The following CCDC81 variants were observed in gnomAD, a reference collection of about 807,000 sequenced individuals.
CCDC81 encodes the protein coiled-coil domain containing 81, also known as coiled-coil domain-containing protein 81.
Under a neutral mutation model 83.7 loss-of-function variants are expected in CCDC81, and 79 were observed. The ratio of observed to expected loss-of-function variants is 0.94; its 90% CI spans 0.79 to 1.14. CCDC81 has a LOEUF of 1.14. CCDC81 is among the 50% of genes most tolerant of loss of function. The pLI is 0.00. For missense variants in CCDC81, 791 were observed against 778.1 expected, an observed-to-expected ratio of 1.02 and a Z score of -0.20; for synonymous variants, 252 against 278.1, an observed-to-expected ratio of 0.91 and a Z score of 0.93.
At chr11:86,404,247 T>C (rs1948534284) in intron 7 of CCDC81, among the ~76,000 whole-genome samples, 1 of 152,214 alleles carries the variant, frequency 6.6e-6, no homozygotes, top group South Asian at 2.1e-4. Context: ...AAATAAAGTG[T>C]TCTGCTTATA....
At chr11:86,402,507 C>T (rs1948506842) in intron 7 of CCDC81, among the ~76,000 whole-genome samples, 1 of 152,030 alleles carries the variant, frequency 6.6e-6, no homozygotes, top group Admixed American at 6.6e-5. Context: ...TAACCAATCT[C>T]CTATTGGATA....
chr11:86,420,121 C>G (rs1012166433), intron 14 of CCDC81, 68 bp downstream of exon 14: 45 of 1,553,160 alleles, frequency 2.9e-5, no homozygotes, highest in Non-Finnish European at 3.8e-5. Context: ...TCAAGTGGAA[C>G]TCCACTTGAT....
intron 13 of CCDC81, among the ~76,000 whole-genome samples, chr11:86,416,345 C>T (rs1948719767): frequency 6.6e-6 from 1 of 152,184 alleles, no homozygotes; most frequent in Non-Finnish European, 1.5e-5. Context: ...GCAGAACCAC[C>T]ATCACTTGTC....
At chr11:86,383,349 A>C (rs1948198436) in intron 1 of CCDC81, among the ~76,000 whole-genome samples, 1 of 152,242 alleles carries the variant, frequency 6.6e-6, no homozygotes, top group South Asian at 2.1e-4. Context: ...AAGTTTTATA[A>C]CATCAGGAAA....
At position 86,414,852 on chromosome 11, in the gene CCDC81, A is replaced by C. The variant is rs767224921; in HGVS notation, c.1455A>C (p.Arg485Ser). 33 of 1,609,480 alleles carry C rather than the reference A, an allele frequency of 2.1e-5. No individual in the cohort carries two copies. The East Asian group carries it at 7.4e-4, about 36-fold the overall frequency. Residue 485 changes from arginine (R) to serine (S), a missense_variant, in exon 12 of 15, where the codon AGA (arginine) becomes AGC (serine). Transcript: ENST00000445632. ...TGGAAGAAACACAGTGTTACAAGAG[A>C]GCTTTGGATGCACAGGTAAGGGGAC... is the stretch of plus-strand genomic sequence containing the variant. ...DKMEETQCYK[R>S]ALDAQIKNKP...
chr11:86,390,420 G>A (rs1042319989), intron 3 of CCDC81, among the ~76,000 whole-genome samples: 1 of 152,136 alleles, frequency 6.6e-6, no homozygotes, highest in Non-Finnish European at 1.5e-5. Flanking sequence ...TGGTAGGTAG[G>A]GACCAATTGT....
At chr11:86,410,694 A>C (rs1488261824) in intron 10 of CCDC81, among the ~76,000 whole-genome samples, 2 of 152,144 alleles carry the variant, frequency 1.3e-5, no homozygotes, top group Non-Finnish European at 2.9e-5. Flanking sequence ...ACACATCTTA[A>C]ATTTAAAAAG....
intron 12 of CCDC81, 66 bp from the exon 13 acceptor site, chr11:86,415,027 A>G: frequency 1.9e-6 from 3 of 1,552,110 alleles, no homozygotes; most frequent in South Asian, 1.1e-5. Flanking sequence ...ACCACATTAC[A>G]GGGTTGTGCA....
At chr11:86,400,560 T>A in intron 6 of CCDC81, 118 bp from the exon 7 acceptor site, 1 of 998,674 alleles carries the variant, frequency 1.0e-6, no homozygotes, top group Non-Finnish European at 1.4e-6. Flanking sequence ...GAACAAGGGG[T>A]GATTATTTAA....
In CCDC81 at chr11:86,408,355, C is replaced by G. The variant is rs1948592003; in HGVS notation, c.1113+85C>G. On this transcript the variant is annotated intron_variant, in intron 9 of 14. Transcript: ENST00000445632. Reference sequence around the variant, plus strand: ...AATTTATTATTATTTTTTATTGGCGCAGGGTCTCACTCTGTCACCCAGGTT... The same window carrying G: ...AATTTATTATTATTTTTTATTGGCGGAGGGTCTCACTCTGTCACCCAGGTT... 4.8e-6 allele frequency: 6 copies of G among 1,258,486 alleles called. 1 individual carries two copies. The highest frequency in any genetic ancestry group is 6.4e-6 in the Non-Finnish European group (6 of 935,876). 78.0% of individuals were successfully genotyped at this position (1,258,486 alleles called of 1,614,324 possible). A position where few individuals can be genotyped will look rare whatever the true frequency, so the allele number is the denominator to read the frequency against.
intron 13 of CCDC81, chr11:86,418,978 G>A (rs758037562): frequency 2.0e-5 from 3 of 152,166 alleles, no homozygotes; most frequent in Non-Finnish European, 4.4e-5. Context: ...GGCACTTCCT[G>A]TGTATCATTT....
chr11:86,410,226 C>T (rs1422622567), intron 10 of CCDC81, among the ~76,000 whole-genome samples: 1 of 152,170 alleles, frequency 6.6e-6, no homozygotes, highest in Non-Finnish European at 1.5e-5. Context: ...ATATCACCAT[C>T]TAGGTAGTCG....
At chr11:86,378,379 A>G (rs984906075) in intron 1 of CCDC81, among the ~76,000 whole-genome samples, 10 of 152,168 alleles carry the variant, frequency 6.6e-5, no homozygotes, top group African/African-American at 1.9e-4. Context: ...GGTGTGTTTT[A>G]TGGCCCAGAA....
At chr11:86,401,712 TA>T (rs200887994) in intron 7 of CCDC81, among the ~76,000 whole-genome samples, 21 of 149,562 alleles carry the variant, frequency 1.4e-4, no homozygotes, top group South Asian at 4.2e-4. Context: ...AGACTGAAAT[TA>T]AAAAAAAAAT....
chr11:86,422,872 C>T lies in CCDC81; in HGVS notation c.*157C>T. 1.4e-6 allele frequency: 1 copy of T among 705,360 alleles called. No homozygotes were observed. The highest frequency in any genetic ancestry group is 2.3e-6 in the Non-Finnish European group (1 of 433,832). The allele number at this position is 705,360 out of a possible 1,614,324, so 43.7% of individuals were successfully genotyped here. ...GCTTGTTAAGCCCTTATTGAATTCA[C>T]TCCTGCTTTCCTCCCACCCCCAATT... On this transcript the variant is annotated 3_prime_UTR_variant, in exon 15 of 15. Coordinates refer to ENST00000445632, the MANE Select transcript of CCDC81 (RefSeq NM_001156474.2).
intron 13 of CCDC81, among the ~76,000 whole-genome samples, chr11:86,417,545 C>A (rs2138542961): frequency 6.6e-6 from 1 of 151,922 alleles, no homozygotes; most frequent in Non-Finnish European, 1.5e-5. Flanking sequence ...GAGATTCATT[C>A]TTCTTTAATA....
chr11:86,422,637 G>C lies in CCDC81; in HGVS notation c.1881G>C (p.Gln627His), dbSNP rs201202059. Residue 627 changes from glutamine to histidine, a missense_variant, in exon 15 of 15, where the codon CAG (glutamine) becomes CAC (histidine). Gln to His is a conservative substitution (Grantham distance 24, BLOSUM62 0). Coordinates refer to ENST00000445632, the MANE Select transcript of CCDC81 (RefSeq NM_001156474.2). ...AGTATCGGCGCTGCAAGCAATGCCA[G>C]AGGCGCACCTCCAACGTGGGCGAGA... ...CEKYRRCKQCQRRTSNVGESN... is the reference protein window; with the variant it reads ...CEKYRRCKQCHRRTSNVGESN... 1.5e-5 allele frequency: 24 copies of C among 1,614,108 alleles called. No individual in the cohort carries two copies. The East Asian group carries it at 4.9e-4, about 33-fold the overall frequency.
At chr11:86,378,783 C>T (rs563802702) in intron 1 of CCDC81, among the ~76,000 whole-genome samples, 4 of 152,166 alleles carry the variant, frequency 2.6e-5, no homozygotes, top group Admixed American at 1.3e-4. Context: ...ATATAGCTAC[C>T]CCTACTTTCT....
rs773614433 is a variant in CCDC81, at chr11:86,414,790, C to A, written c.1393C>A (p.Leu465Ile). ...RLEQVQLTEE[L>I]AAQRAKFLKD... is the part of the protein sequence containing the mutation. ...TCTTCTCTTGTTCTTAACTGCCAGA[C>A]TTGCTGCGCAAAGAGCGAAATTTTT... Residue 465 changes from leucine to isoleucine, a missense_variant and splice_region_variant, in exon 12 of 15, where the codon CTT becomes ATT. By Grantham distance (5) the Leu-to-Ile change is conservative (BLOSUM62 2). Transcript: ENST00000445632. 3 of 1,607,476 alleles carry A rather than the reference C, an allele frequency of 1.9e-6. No homozygotes were observed. In the South Asian group the frequency reaches 3.4e-5, roughly 18 times the overall value.
Sources: gnomAD v4.1 joint callset for allele counts (sites outside exome capture counted in the v4.1 genomes callset) on GRCh38, gnomAD v4.1.1 for gene constraint, MANE v1.5 for transcripts, NCBI Gene and HGNC (gene_info 2026-07-23, HGNC 2026-07-21) for gene names.